SLC9C1: variants seen among roughly 807,000 people sequenced by gnomAD.
The protein encoded by SLC9C1 is solute carrier family 9 member C1, also known as sodium/hydrogen exchanger 10.
In SLC9C1, 97 loss-of-function variants were observed where a neutral mutation model predicts 140.9. That is an observed-to-expected ratio of 0.69 (90% CI 0.58 to 0.82). The LOEUF is 0.82. Among genes scored for constraint, SLC9C1 ranks in the 40% least tolerant of loss-of-function variants. SLC9C1 has a pLI of 0.00. For missense variants in SLC9C1, 1,340 were observed against 1,389.3 expected (o/e 0.96, Z 0.56); for synonymous variants, 440 against 442.6 (o/e 0.99, Z 0.07).
rs768124152 is a variant in SLC9C1, at chr3:112,202,354, G to T, written c.2218C>A (p.His740Asn). 4 of 1,607,720 alleles carry T rather than the reference G, an allele frequency of 2.5e-6. No homozygotes were observed. The highest frequency in any genetic ancestry group is 1.7e-4 in the Middle Eastern group (1 of 5,722). ...LLQIIDKRMS[H>N]QKTFWYGILK... Reference sequence around the variant, plus strand: ...ATTCCATACCAAAAGGTCTTCTGATGACTCATTCTTTTATCTATTATTTGC... The same window carrying T: ...ATTCCATACCAAAAGGTCTTCTGATTACTCATTCTTTTATCTATTATTTGC... The change falls in exon 18 of 29, where the codon CAT (histidine) becomes AAT (asparagine). Residue 740 changes from histidine to asparagine, a missense_variant. Coordinates refer to ENST00000305815, the MANE Select transcript of SLC9C1 (RefSeq NM_183061.3).
intron 10 of SLC9C1, among the ~76,000 whole-genome samples, chr3:112,255,614 G>A (rs1490597884): frequency 1.3e-5 from 2 of 151,942 alleles, no homozygotes; most frequent in Admixed American, 6.6e-5. Flanking sequence ...ATCATGAAAC[G>A]CCCAAATCAA....
chr3:112,159,667 C>T (rs1031568226), intron 26 of SLC9C1, among the ~76,000 whole-genome samples: 1 of 152,034 alleles, frequency 6.6e-6, no homozygotes, highest in Admixed American at 6.6e-5. Flanking sequence ...TTGAAGTCCC[C>T]TACTACTATT....
At chr3:112,287,207 G>T (rs2080535150) in intron 1 of SLC9C1, among the ~76,000 whole-genome samples, 1 of 152,210 alleles carries the variant, frequency 6.6e-6, no homozygotes, top group Non-Finnish European at 1.5e-5. Context: ...CCACAAGCTG[G>T]TGCAGGTTAC....
intron 20 of SLC9C1, among the ~76,000 whole-genome samples, chr3:112,193,614 G>A (rs147448309): frequency 2.6e-5 from 4 of 152,120 alleles, no homozygotes; most frequent in Non-Finnish European, 4.4e-5. Flanking sequence ...CTGGGTATGG[G>A]GATGGCATGG....
At chr3:112,247,255 T>C (rs1291692959) in intron 10 of SLC9C1, among the ~76,000 whole-genome samples, 1 of 152,174 alleles carries the variant, frequency 6.6e-6, no homozygotes, top group Admixed American at 6.6e-5. Flanking sequence ...CCTTTTTCAT[T>C]TATAAGCACA....
At chr3:112,159,675 A>G (rs962091627) in intron 26 of SLC9C1, among the ~76,000 whole-genome samples, 2 of 152,014 alleles carry the variant, frequency 1.3e-5, no homozygotes, top group African/African-American at 4.8e-5. Flanking sequence ...CCCTACTACT[A>G]TTTTATTGCA....
intron 8 of SLC9C1, among the ~76,000 whole-genome samples, 189 bp downstream of exon 8, chr3:112,266,049 G>A (rs1385071030): frequency 2.0e-5 from 3 of 152,016 alleles, no homozygotes; most frequent in East Asian, 1.9e-4. Context: ...GTAAGGTTAC[G>A]AATTTGCTTT....
At chr3:112,258,403 T>A (rs935085490) in intron 10 of SLC9C1, among the ~76,000 whole-genome samples, 1 of 135,930 alleles carries the variant, frequency 7.4e-6, no homozygotes, top group East Asian at 2.4e-4. Flanking sequence ...TGGGTGGGTT[T>A]TTTTGTTTGT....
At chr3:112,166,680 T>G (rs1236705333) in intron 26 of SLC9C1, among the ~76,000 whole-genome samples, 1 of 152,120 alleles carries the variant, frequency 6.6e-6, no homozygotes, top group Non-Finnish European at 1.5e-5. Flanking sequence ...TCTATTATTA[T>G]TACTTATTCA....
Position 112,183,349 on chromosome 3 carries a change from C to CTTTTTTTTTTT in SLC9C1, c.2524-1102_2524-1092dup, listed in dbSNP as rs200437815. ...ACGACAATGATATTTAGCACCTTTT[C>CTTTTTTTTTTT]TTTTTTTTTTTTTTTTTTTTTCAGC... On this transcript the variant is annotated intron_variant, in intron 20 of 28. Transcript: ENST00000305815. Among the ~76,000 whole-genome samples, 813 of 95,054 alleles carry CTTTTTTTTTTT rather than the reference C, an allele frequency of 8.6e-3. 119 individuals carry two copies. Among genetic ancestry groups the CTTTTTTTTTTT allele is most frequent in the South Asian group, 0.01 (34 of 3,362 alleles). 62.4% of individuals were successfully genotyped at this position (95,054 alleles called of 152,430 possible).
intron 12 of SLC9C1, among the ~76,000 whole-genome samples, chr3:112,237,785 C>T (rs1301329062): frequency 6.6e-6 from 1 of 152,154 alleles, no homozygotes; most frequent in Admixed American, 6.5e-5. Flanking sequence ...AATATTGGCC[C>T]CCACTCTGTT....
At chr3:112,253,999 T>C (rs573797657) in intron 10 of SLC9C1, among the ~76,000 whole-genome samples, 1 of 152,226 alleles carries the variant, frequency 6.6e-6, no homozygotes, top group South Asian at 2.1e-4. Context: ...TCTTGGAACT[T>C]GAAGGCTTGA....
chr3:112,208,825 A>G (rs1473103605), intron 15 of SLC9C1, among the ~76,000 whole-genome samples: 1 of 152,122 alleles, frequency 6.6e-6, no homozygotes, highest in African/African-American at 2.4e-5. Context: ...TATATGACAC[A>G]TTTTTCTGTA....
chr3:112,228,865 A>G (rs1057210713), intron 13 of SLC9C1, among the ~76,000 whole-genome samples: 4 of 152,052 alleles, frequency 2.6e-5, no homozygotes, highest in Admixed American at 1.3e-4. Context: ...TACAATGTTT[A>G]TATATGGGGA....
At chr3:112,270,172 T>A in intron 6 of SLC9C1, 95 bp from the exon 7 acceptor site, 1 of 1,274,602 alleles carries the variant, frequency 7.8e-7, no homozygotes, top group Non-Finnish European at 1.0e-6. Flanking sequence ...GTCATTATCT[T>A]TAAAATTAGC....
intron 22 of SLC9C1, 85 bp from the exon 23 acceptor site, chr3:112,179,786 T>A: frequency 8.7e-7 from 1 of 1,143,094 alleles, no homozygotes. Flanking sequence ...TCCACTTTGG[T>A]TTGAACAATT....
At chr3:112,286,147 T>G (rs2080501246) in intron 2 of SLC9C1, among the ~76,000 whole-genome samples, 1 of 151,994 alleles carries the variant, frequency 6.6e-6, no homozygotes, top group Non-Finnish European at 1.5e-5. Context: ...TGAAAAAAAT[T>G]ACTTATTACA....
intron 14 of SLC9C1, among the ~76,000 whole-genome samples, chr3:112,220,674 T>C (rs1231390460): frequency 6.6e-6 from 1 of 151,834 alleles, no homozygotes; most frequent in Non-Finnish European, 1.5e-5. Context: ...GAGACCTATA[T>C]CTAAAGAAAT....
intron 27 of SLC9C1, among the ~76,000 whole-genome samples, chr3:112,154,774 T>C (rs552840411): frequency 6.6e-6 from 1 of 152,300 alleles, no homozygotes; most frequent in African/African-American, 2.4e-5. Context: ...TCTTCTGGCA[T>C]CCCTTGAACT....
Sources: gnomAD v4.1 joint callset for allele counts (sites outside exome capture counted in the v4.1 genomes callset) on GRCh38, gnomAD v4.1.1 for gene constraint, MANE v1.5 for transcripts, NCBI Gene and HGNC (gene_info 2026-07-23, HGNC 2026-07-21) for gene names.